Variants in MICAL2 observed in about 807,000 individuals in gnomAD.
The protein encoded by MICAL2 is microtubule associated monooxygenase, calponin and LIM domain containing 2, also known as [F-actin]-monooxygenase MICAL2.
Under a neutral mutation model 127.3 loss-of-function variants are expected in MICAL2, and 77 were observed. The ratio of observed to expected loss-of-function variants is 0.60; its 90% CI spans 0.50 to 0.73. The LOEUF is 0.73. Ranked by LOEUF, MICAL2 falls within the 30% of genes least tolerant of loss-of-function variation. The pLI is 0.00. For synonymous variants in MICAL2, 570 were observed against 551.1 expected, an observed-to-expected ratio of 1.03 and a Z score of -0.48; for missense variants, 1,351 against 1,434.4, an observed-to-expected ratio of 0.94 and a Z score of 0.94.
chr11:12,159,213 T>G (rs1346178645), intron 2 of MICAL2, among the ~76,000 whole-genome samples: 1 of 152,218 alleles, frequency 6.6e-6, no homozygotes, highest in African/African-American at 2.4e-5. Context: ...TTGTTCATTC[T>G]TCTTCTAGGG....
intron 15 of MICAL2, among the ~76,000 whole-genome samples, chr11:12,233,979 A>G (rs1313072420): frequency 6.6e-6 from 1 of 152,244 alleles, no homozygotes; most frequent in Non-Finnish European, 1.5e-5. Context: ...CATAAGGAAG[A>G]GTAGAAACCA....
Position 12,242,388 on chromosome 11 carries a change from G to A in MICAL2, c.2512G>A (p.Gly838Arg), listed in dbSNP as rs752990568. The change falls in exon 19 of 28, where the codon GGG (glycine) becomes AGG (arginine). Residue 838 changes from glycine (G) to arginine (R), a missense_variant. This residue lies in a region of MICAL2 where 752 missense variants were observed against 719.4 expected (regional missense o/e 1.05). Transcript: ENST00000683283. ...CCGCCCGAGGGCGCAGGCTCTTTCCGGGGTGCTGTGGCGGCTGCAGCAAGT... is the reference window on the plus strand; with the variant it reads ...CCGCCCGAGGGCGCAGGCTCTTTCCAGGGTGCTGTGGCGGCTGCAGCAAGT... ...STRPRAQALS[G>R]VLWRLQQVEE... 3.0e-5 allele frequency: 48 copies of A among 1,611,552 alleles called. No homozygotes were observed. The highest frequency in any genetic ancestry group is 1.8e-4 in the South Asian group (16 of 90,986).
At chr11:12,358,683 CTCTT>C (rs1346314033), downstream of MICAL2, 2 of 402,418 alleles carry the variant, frequency 5.0e-6, no homozygotes, top group Non-Finnish European at 8.6e-6. Flanking sequence ...AACCCAAAGA[CTCTT>C]TGGCAATTGG....
intron 22 of MICAL2, chr11:12,254,086 G>T (rs928269758): frequency 3.9e-5 from 6 of 152,188 alleles, no homozygotes; most frequent in African/African-American, 9.7e-5. Context: ...AATCCCAGGG[G>T]CTTTAGGATC....
At chr11:12,154,567 A>G (rs1186753462) in intron 2 of MICAL2, among the ~76,000 whole-genome samples, 1 of 152,186 alleles carries the variant, frequency 6.6e-6, no homozygotes, top group Non-Finnish European at 1.5e-5. Flanking sequence ...CATCTGGCTT[A>G]TTTCTCTTCT....
chr11:12,115,549 G>A (rs2133426963), intron 1 of MICAL2, among the ~76,000 whole-genome samples: 1 of 152,106 alleles, frequency 6.6e-6, no homozygotes, highest in South Asian at 2.1e-4. Flanking sequence ...AAACTCCTGA[G>A]CTCAAGCAAC....
In MICAL2 at chr11:12,188,130, C is replaced by T. The variant is rs79353956; in HGVS notation, c.265-16120C>T. 5.1e-3 allele frequency among the ~76,000 whole-genome samples: 775 copies of T among 152,212 alleles called. 5 individuals carry two copies. Among genetic ancestry groups the T allele is most frequent in the African/African-American group, 0.017 (721 of 41,502 alleles). The stretch of plus-strand genomic sequence containing the variant: ...AATGTGGTAAGTCCGCATTGAGCTG[C>T]GCTGTACATATAAAATACTCACCTC... On this transcript the variant is annotated intron_variant, in intron 3 of 27. Transcript: ENST00000683283.
intron 1 of MICAL2, among the ~76,000 whole-genome samples, chr11:12,280,234 C>T (rs1056780911): frequency 2.0e-5 from 3 of 151,436 alleles, no homozygotes; most frequent in Non-Finnish European, 2.9e-5. Context: ...CCTGAAGTTT[C>T]GGGACCAAGT....
intron 1 of MICAL2, among the ~76,000 whole-genome samples, chr11:12,123,932 A>G (rs1589984861): frequency 6.6e-6 from 1 of 152,088 alleles, no homozygotes; most frequent in South Asian, 2.1e-4. Context: ...GGGAGCTATC[A>G]CCTCCAGTTC....
Position 12,171,978 on chromosome 11 carries a change from CTG to C in MICAL2, c.264+9563_264+9564del, listed in dbSNP as rs549809033. 2.0e-4 allele frequency among the ~76,000 whole-genome samples: 30 copies of C among 152,140 alleles called. No individual in the cohort carries two copies. In the South Asian group the frequency reaches 6.2e-3, roughly 32 times the overall value. ...TTTTGTATATTACATTTTTGAAATA[CTG>C]TGTATTTTACAGCTCATCTCAGTTA... On this transcript the variant is annotated intron_variant, in intron 3 of 27. Transcript: ENST00000683283.
At chr11:12,164,117 C>T (rs1855185114) in intron 3 of MICAL2, among the ~76,000 whole-genome samples, 2 of 152,006 alleles carry the variant, frequency 1.3e-5, no homozygotes, top group Non-Finnish European at 2.9e-5. Context: ...AACATACTAG[C>T]CAGTTGCCTA....
At chr11:12,240,893 C>T (rs557599900) in intron 17 of MICAL2, 147 bp from the exon 18 acceptor site, 44 of 1,028,836 alleles carry the variant, frequency 4.3e-5, no homozygotes, top group Admixed American at 2.7e-4. Flanking sequence ...GCCCGGCTTG[C>T]GGGAGCTCAG....
chr11:12,262,472 G>A lies in MICAL2; in HGVS notation c.3335-8G>A, dbSNP rs745525714. ...TCTCTCTTTCCAATCTTACGCCATG[G>A]CCATCAGTTCATTTCAGCCTTCCAG... is the stretch of plus-strand genomic sequence containing the variant. On this transcript the variant is annotated splice_region_variant and splice_polypyrimidine_tract_variant and intron_variant, in intron 26 of 27. Coordinates refer to ENST00000683283, the MANE Select transcript of MICAL2 (RefSeq NM_001282663.2). 6.2e-7 allele frequency: 1 copy of A among 1,613,334 alleles called. No homozygotes were observed.
rs544699828 is a variant in MICAL2 at position 12,260,771 on chromosome 11, C to T, written c.3334+874C>T. The T allele has an allele frequency of 5.5e-5, 54 of 985,464 alleles. 1 individual carries two copies. In the South Asian group the frequency reaches 2.1e-3, roughly 38 times the overall value. 61.0% of individuals were successfully genotyped at this position (985,464 alleles called of 1,614,324 possible). A position where few individuals can be genotyped will look rare whatever the true frequency, so the allele number is the denominator to read the frequency against. ...GGAGCAGTGTGTGGTTGGCTGTTATCTGTCCCCCTGGGAGGAGGACTGTTT... is the reference window on the plus strand; with the variant it reads ...GGAGCAGTGTGTGGTTGGCTGTTATTTGTCCCCCTGGGAGGAGGACTGTTT... On this transcript the variant is annotated intron_variant, in intron 26 of 27. Coordinates refer to ENST00000683283, the MANE Select transcript of MICAL2 (RefSeq NM_001282663.2).
At chr11:12,243,111 A>T (rs528442334) in intron 20 of MICAL2, 2 of 183,424 alleles carry the variant, frequency 1.1e-5, no homozygotes, top group South Asian at 2.6e-4. Flanking sequence ...AAGAGGAAAC[A>T]GTCATCAGTT....
At chr11:12,341,360 T>C (rs986199162) in intron 32 of MICAL2, among the ~76,000 whole-genome samples, 2 of 151,820 alleles carry the variant, frequency 1.3e-5, no homozygotes, top group African/African-American at 4.8e-5. Context: ...GATAGATAGT[T>C]ATGAACCACG....
intron 34 of MICAL2, among the ~76,000 whole-genome samples, chr11:12,357,864 T>A (rs751535683): frequency 3.3e-5 from 5 of 152,030 alleles, no homozygotes; most frequent in Non-Finnish European, 7.4e-5. Context: ...AAAAAAAGAT[T>A]GTGGTCATTG....
chr11:12,231,847 G>A lies in MICAL2; in HGVS notation c.1996-4330G>A, dbSNP rs565768426. ...TCCCCTCCAGGTGCGCGCAGGTCAT[G>A]GCTGAAGCTACTCTCTCTCCTTTCC... On this transcript the variant is annotated intron_variant, in intron 15 of 27. Transcript: ENST00000683283. 3.3e-5 allele frequency among the ~76,000 whole-genome samples: 5 copies of A among 152,352 alleles called. No individual in the cohort carries two copies. The South Asian group carries it at 8.3e-4, about 25-fold the overall frequency.
In MICAL2 at chr11:12,241,180, G is replaced by A; in HGVS notation, c.2337+18G>A. The A allele has an allele frequency of 1.2e-6, 2 of 1,609,974 alleles. No individual in the cohort carries two copies. Among genetic ancestry groups the A allele is most frequent in the East Asian group, 2.2e-5 (1 of 44,800 alleles). On this transcript the variant is annotated intron_variant, in intron 18 of 27. Coordinates refer to ENST00000683283, the MANE Select transcript of MICAL2 (RefSeq NM_001282663.2). ...AAAGGCAGGTAGGGCTCCTTCCAGT[G>A]GATGCTGTTTTGGTGAAGCCAGAGG... is the stretch of plus-strand genomic sequence containing the variant.
Sources: allele counts gnomAD v4.1 joint callset (sites outside exome capture counted in the v4.1 genomes callset), GRCh38; gene constraint gnomAD v4.1.1; regional missense constraint gnomAD v4.1.1; transcripts MANE v1.5; gene names NCBI Gene and HGNC (gene_info 2026-07-23, HGNC 2026-07-21).